Variants in EEFSEC observed in about 807,000 individuals in gnomAD.
EEFSEC encodes the protein eukaryotic elongation factor, selenocysteine-tRNA specific.
Under a neutral mutation model 42.1 loss-of-function variants are expected in EEFSEC, and 43 were observed. The observed-to-expected ratio is 1.02, with a 90% CI of 0.80 to 1.32. The LOEUF (loss-of-function observed/expected upper bound fraction) is 1.32, where lower values mean the gene tolerates loss of function less well. EEFSEC is among the 40% of genes most tolerant of loss of function. EEFSEC has a pLI of 0.00. For synonymous variants in EEFSEC, 354 were observed against 339.1 expected (o/e 1.04, Z -0.48); for missense variants, 745 against 803.6 (o/e 0.93, Z 0.88).
chr3:128,415,481 G>C, the EEFSEC span, among the ~76,000 whole-genome samples: 1 of 142,428 alleles, frequency 7.0e-6, no homozygotes. Flanking sequence ...GATGCAGAGC[G>C]ATGATAGGGT....
In EEFSEC at chr3:128,210,562, G is replaced by A. The variant is rs369927619; in HGVS notation, c.317-36274G>A. On this transcript the variant is annotated intron_variant, in intron 1 of 6. Transcript: ENST00000254730. Reference sequence around the variant, plus strand: ...AGGATGATTGGGAAGGTTACTAGTGGTAGAGTGCTTGGGATAACTGTGGCA... The same window carrying A: ...AGGATGATTGGGAAGGTTACTAGTGATAGAGTGCTTGGGATAACTGTGGCA... 3.6e-4 allele frequency among the ~76,000 whole-genome samples: 55 copies of A among 152,338 alleles called. No individual in the cohort carries two copies. In the South Asian group the frequency reaches 0.01, roughly 29 times the overall value.
At chr3:128,221,342 T>C (rs543830879) in intron 1 of EEFSEC, among the ~76,000 whole-genome samples, 2 of 152,172 alleles carry the variant, frequency 1.3e-5, no homozygotes, top group Non-Finnish European at 2.9e-5. Context: ...GGTATACAGA[T>C]TGGAGATGTG....
At chr3:128,310,361 C>T (rs6805621) in intron 4 of EEFSEC, among the ~76,000 whole-genome samples, 26,488 of 152,186 alleles carry the variant, frequency 0.17, 3,058 homozygotes, top group African/African-American at 0.33. Context: ...GCTCCTGCCC[C>T]GTAATCTTGA....
At chr3:128,222,092 G>A (rs1256055048) in intron 1 of EEFSEC, among the ~76,000 whole-genome samples, 2 of 139,774 alleles carry the variant, frequency 1.4e-5, no homozygotes, top group Non-Finnish European at 3.0e-5. Context: ...GGAGTGCAGT[G>A]GCACGATCTC....
chr3:128,196,849 A>G (rs1259493842), intron 1 of EEFSEC, among the ~76,000 whole-genome samples: 1 of 152,222 alleles, frequency 6.6e-6, no homozygotes, highest in Admixed American at 6.5e-5. Context: ...AGAGCCTCGC[A>G]CAGTGTGGGG....
intron 4 of EEFSEC, among the ~76,000 whole-genome samples, chr3:128,289,070 C>A (rs1452371981): frequency 1.3e-5 from 2 of 152,166 alleles, no homozygotes; most frequent in East Asian, 3.9e-4. Context: ...GCTTCCTCGC[C>A]CAGCATAGGG....
intron 1 of EEFSEC, among the ~76,000 whole-genome samples, chr3:128,167,266 A>C (rs2065250697): frequency 6.6e-6 from 1 of 152,046 alleles, no homozygotes; most frequent in South Asian, 2.1e-4. Context: ...TTACTGGATT[A>C]TGTTTTCCAC....
At chr3:128,174,024 G>A (rs572608461) in intron 1 of EEFSEC, among the ~76,000 whole-genome samples, 4 of 152,186 alleles carry the variant, frequency 2.6e-5, no homozygotes, top group Admixed American at 6.5e-5. Context: ...ACTGCAAGGC[G>A]ATCTCTTAGG....
chr3:128,362,355 G>A (rs1462654256), intron 6 of EEFSEC: 2 of 462,334 alleles, frequency 4.3e-6, no homozygotes, highest in East Asian at 1.4e-4. Flanking sequence ...GAATAGACTT[G>A]TTCCTAATGA....
intron 1 of EEFSEC, among the ~76,000 whole-genome samples, chr3:128,231,903 C>T (rs890231514): frequency 2.0e-5 from 3 of 152,158 alleles, no homozygotes; most frequent in African/African-American, 4.8e-5. Flanking sequence ...AGGGCAGGGG[C>T]TCTTCCCTGG....
At chr3:128,215,834 T>C (rs1335408559) in intron 1 of EEFSEC, among the ~76,000 whole-genome samples, 1 of 152,076 alleles carries the variant, frequency 6.6e-6, no homozygotes, top group Non-Finnish European at 1.5e-5. Context: ...TCTGCTTGCT[T>C]TCTGCCAAGT....
intron 5 of EEFSEC, among the ~76,000 whole-genome samples, chr3:128,345,948 G>A (rs2737756): frequency 0.017 from 2,530 of 152,280 alleles, 32 homozygotes; most frequent in South Asian, 0.033. Flanking sequence ...GAGGCTAGTA[G>A]TGAACAGTAA....
At chr3:128,178,031 A>C (rs1329077039) in intron 1 of EEFSEC, among the ~76,000 whole-genome samples, 1 of 152,202 alleles carries the variant, frequency 6.6e-6, no homozygotes, top group African/African-American at 2.4e-5. Context: ...CTTTTGGATT[A>C]GTTTATGTGC....
intron 4 of EEFSEC, among the ~76,000 whole-genome samples, chr3:128,310,846 C>T (rs548139420): frequency 3.9e-5 from 6 of 152,224 alleles, no homozygotes; most frequent in Non-Finnish European, 8.8e-5. Flanking sequence ...ACCCTGCCCA[C>T]CTGGCAAGCA....
chr3:128,358,458 T>C, intron 6 of EEFSEC, 85 bp downstream of exon 6: 1 of 1,552,468 alleles, frequency 6.4e-7, no homozygotes, highest in Non-Finnish European at 8.7e-7. Context: ...TGGCGCTCCT[T>C]GGCTTAGGTT....
chr3:128,157,103 A>G (rs1331238052), intron 1 of EEFSEC, among the ~76,000 whole-genome samples: 1 of 152,280 alleles, frequency 6.6e-6, no homozygotes, highest in African/African-American at 2.4e-5. Context: ...TTATTGCTTT[A>G]TAGAGAAAGT....
intron 4 of EEFSEC, among the ~76,000 whole-genome samples, chr3:128,322,633 T>C (rs1371760922): frequency 6.6e-6 from 1 of 152,226 alleles, no homozygotes; most frequent in Admixed American, 6.5e-5. Context: ...CATGTGAGAT[T>C]GTGAGCCGTT....
chr3:128,265,359 T>C (rs1264332172), intron 4 of EEFSEC, among the ~76,000 whole-genome samples: 3 of 152,234 alleles, frequency 2.0e-5, no homozygotes, highest in African/African-American at 7.2e-5. Flanking sequence ...GGATGAGTGG[T>C]TGGTGCCTTC....
At chr3:128,349,066 T>C (rs2067350554) in intron 5 of EEFSEC, among the ~76,000 whole-genome samples, 2 of 152,108 alleles carry the variant, frequency 1.3e-5, no homozygotes, top group African/African-American at 4.8e-5. Context: ...CTAGGGGCCA[T>C]GTGGGGAAAC....
Sources: allele counts gnomAD v4.1 joint callset (sites outside exome capture counted in the v4.1 genomes callset), GRCh38; gene constraint gnomAD v4.1.1; transcripts MANE v1.5; gene names NCBI Gene and HGNC (gene_info 2026-07-23, HGNC 2026-07-21).